The following PCDHGA4 variants were observed in gnomAD, a reference collection of about 807,000 sequenced individuals.
PCDHGA4 encodes the protein protocadherin gamma subfamily A, 4, also known as protocadherin gamma-A4.
A neutral mutation model predicts 54.6 loss-of-function variants in PCDHGA4; 38 were observed. That is an observed-to-expected ratio of 0.70 (90% CI 0.54 to 0.91). The LOEUF is 0.91. PCDHGA4 is among the 40% of genes least tolerant of loss of function. PCDHGA4 has a pLI of 0.00. For synonymous variants in PCDHGA4, 511 were observed against 512.9 expected (o/e 1.00, Z 0.05); for missense variants, 1,298 against 1,220.9 (o/e 1.06, Z -0.94).
chr5:141,420,845 G>T (rs1038454602), intron 1 of PCDHGA4, among the ~76,000 whole-genome samples: 4 of 152,200 alleles, frequency 2.6e-5, no homozygotes, highest in Non-Finnish European at 4.4e-5. Context: ...GGTGTTCTTG[G>T]TAAAGTTTTA....
chr5:141,505,450 G>T lies in PCDHGA4; in HGVS notation c.2631G>T (p.Met877Ile). Residue 877 changes from methionine (M) to isoleucine (I), a missense_variant, in exon 3 of 4, where the codon ATG becomes ATT. By Grantham distance (10) the Met-to-Ile change is conservative (BLOSUM62 1). Coordinates refer to ENST00000571252, the MANE Select transcript of PCDHGA4 (RefSeq NM_018917.4). ...TWPNNQFDTE[M>I]LQAMILASAS... ...CCAACAACCAGTTTGACACAGAGAT[G>T]CTGCAAGCCATGATCTTGGCGTCCG... 6.2e-7 allele frequency: 1 copy of T among 1,614,194 alleles called. No homozygotes were observed. The highest frequency in any genetic ancestry group is 8.5e-7 in the Non-Finnish European group (1 of 1,180,012).
rs113648128 is a variant in PCDHGA4, at chr5:141,491,811, C to T, written c.2515-2996C>T. ...CACTCCTCTCCGGCCGGCTTGGTCG[C>T]TGGCTGCGCTCCACCCGATTCTCGG... On this transcript the variant is annotated intron_variant, in intron 1 of 3. Transcript: ENST00000571252. The surrounding 1 kb of genome is among the most constrained non-coding windows in gnomAD (Gnocchi z 6.9). 6.7e-7 allele frequency: 1 copy of T among 1,487,262 alleles called. No homozygotes were observed. The highest frequency in any genetic ancestry group is 1.4e-5 in the African/African-American group (1 of 70,544). 92.1% of individuals were successfully genotyped at this position (1,487,262 alleles called of 1,614,324 possible).
At chr5:141,383,438 T>G (rs771107415) in intron 1 of PCDHGA4, 1 of 1,613,960 alleles carries the variant, frequency 6.2e-7, no homozygotes, top group South Asian at 1.1e-5. Flanking sequence ...CACTTCTCCC[T>G]GGCTGTGCAA....
Position 141,360,413 on chromosome 5 carries a change from A to G in PCDHGA4, c.2514+2792A>G, listed in dbSNP as rs1295695057. 2 of 1,613,982 alleles carry G rather than the reference A, an allele frequency of 1.2e-6. No individual in the cohort carries two copies. The highest frequency in any genetic ancestry group is 3.3e-5 in the Admixed American group (2 of 60,024). On this transcript the variant is annotated intron_variant, in intron 1 of 3. Coordinates refer to ENST00000571252, the MANE Select transcript of PCDHGA4 (RefSeq NM_018917.4). ...CTTGTGAGTGACAGAATAGACCGAG[A>G]ACAGATATGCGGGAAGCAGCCTCTG...
chr5:141,502,250 TA>T (rs2099813542), intron 2 of PCDHGA4, among the ~76,000 whole-genome samples: 1 of 152,242 alleles, frequency 6.6e-6, no homozygotes, highest in African/African-American at 2.4e-5. Flanking sequence ...TCCTTTTTTT[TA>T]ATCCAGGATT....
chr5:141,481,348 T>C (rs2099536105), intron 1 of PCDHGA4, among the ~76,000 whole-genome samples: 1 of 152,250 alleles, frequency 6.6e-6, no homozygotes, highest in Non-Finnish European at 1.5e-5. Flanking sequence ...TATTTAAACA[T>C]CTACAGCTGT....
chr5:141,467,055 C>CTT (rs1193465269), intron 1 of PCDHGA4, among the ~76,000 whole-genome samples: 5 of 134,496 alleles, frequency 3.7e-5, no homozygotes, highest in African/African-American at 5.4e-5. Context: ...TCAATGTTTT[C>CTT]TTTTTTTTTT....
At chr5:141,437,047 G>C (rs2097860477) in intron 1 of PCDHGA4, among the ~76,000 whole-genome samples, 1 of 152,214 alleles carries the variant, frequency 6.6e-6, no homozygotes, top group Admixed American at 6.5e-5. Context: ...AAACCAGAAG[G>C]CTGGTGATCA....
At chr5:141,407,961 A>C in intron 1 of PCDHGA4, 1 of 672,320 alleles carries the variant, frequency 1.5e-6, no homozygotes, top group Non-Finnish European at 2.4e-6. Context: ...AGTGCAGAGC[A>C]AGCGCTGACG....
chr5:141,442,343 G>A (rs1300318674), intron 1 of PCDHGA4: 1 of 152,336 alleles, frequency 6.6e-6, no homozygotes, highest in African/African-American at 2.4e-5. Context: ...CAGGTTTCTG[G>A]GTAACTGTAG....
At chr5:141,416,687 A>G (rs1283053610) in intron 1 of PCDHGA4, 1 of 152,270 alleles carries the variant, frequency 6.6e-6, no homozygotes, top group Non-Finnish European at 1.5e-5. Flanking sequence ...GGGAAATTAT[A>G]TAAACAAAGG....
Position 141,355,144 on chromosome 5 carries a change from C to T in PCDHGA4, c.37C>T (p.Pro13Ser), listed in dbSNP as rs1759728329. Reference protein sequence around the residue: ...FILDPEDPGAPQASTEGKPKH... With the variant: ...FILDPEDPGASQASTEGKPKH... The stretch of plus-strand genomic sequence containing the variant: ...TTTGGACCCAGAAGATCCTGGGGCT[C>T]CTCAGGCCTCGACAGAGGGAAAACC... Residue 13 changes from proline (P) to serine (S), a missense_variant, in exon 1 of 4, where the codon CCT becomes TCT. Physicochemically the swap from Pro to Ser is moderately conservative, Grantham distance 74. Transcript: ENST00000571252. 6.5e-7 allele frequency: 1 copy of T among 1,532,618 alleles called. No homozygotes were observed. Among genetic ancestry groups the T allele is most frequent in the East Asian group, 2.3e-5 (1 of 44,180 alleles). 94.9% of individuals were successfully genotyped at this position (1,532,618 alleles called of 1,614,324 possible).
At chr5:141,417,710 T>A in intron 1 of PCDHGA4, 2 of 1,249,348 alleles carry the variant, frequency 1.6e-6, no homozygotes, top group Admixed American at 5.9e-5. Context: ...ACACAGAGGC[T>A]CCCGGCTGCG....
chr5:141,358,051 G>A (rs1426073021), intron 1 of PCDHGA4, among the ~76,000 whole-genome samples: 5 of 152,130 alleles, frequency 3.3e-5, no homozygotes, highest in Non-Finnish European at 7.3e-5. Context: ...TTAGCTAGGC[G>A]TGGTGGTGTG....
At chr5:141,420,468 T>G in intron 1 of PCDHGA4, 1 of 799,886 alleles carries the variant, frequency 1.3e-6, no homozygotes, top group East Asian at 3.3e-5. Context: ...CAAAGACATT[T>G]TAAAGCAAAC....
At chr5:141,364,666 C>T in intron 1 of PCDHGA4, 2 of 1,614,024 alleles carry the variant, frequency 1.2e-6, no homozygotes, top group South Asian at 1.1e-5. Flanking sequence ...TGGTTGAGAA[C>T]AAAATGAAAA....
At chr5:141,376,704 G>T in intron 1 of PCDHGA4, 1 of 620,824 alleles carries the variant, frequency 1.6e-6, no homozygotes. Flanking sequence ...TTTTGAGACG[G>T]AGTCTCGCTC....
At chr5:141,498,973 GA>G (rs1161965842) in intron 2 of PCDHGA4, among the ~76,000 whole-genome samples, 8 of 11,660 alleles carry the variant, frequency 6.9e-4, no homozygotes, top group Admixed American at 4.8e-3. Flanking sequence ...GGGAGGGAGG[GA>G]AGGAAGGAAG....
intron 1 of PCDHGA4, chr5:141,423,106 G>A (rs562864937): frequency 1.2e-6 from 2 of 1,613,894 alleles, no homozygotes; most frequent in Admixed American, 1.7e-5. Context: ...CACGGGCGAG[G>A]TGCGTACAGC....
Sources: gnomAD v4.1 joint callset for allele counts (sites outside exome capture counted in the v4.1 genomes callset) on GRCh38, gnomAD v4.1.1 for gene constraint, Gnocchi (gnomAD v3.1) non-coding constraint, MANE v1.5 for transcripts, NCBI Gene and HGNC (gene_info 2026-07-23, HGNC 2026-07-21) for gene names.